Variants in MEP1A observed in about 807,000 individuals in gnomAD.
MEP1A encodes meprin A subunit alpha.
A neutral mutation model predicts 84.5 loss-of-function variants in MEP1A; 68 were observed. That is an observed-to-expected ratio of 0.80 (90% confidence interval 0.66 to 0.98). MEP1A has a LOEUF of 0.98. Among genes scored for constraint, MEP1A ranks in the 50% least tolerant of loss-of-function variants. The pLI, the probability that MEP1A is intolerant of heterozygous loss-of-function variation, is 0.00. For missense variants in MEP1A, 887 were observed against 919.9 expected (o/e 0.96, Z 0.46); for synonymous variants, 337 against 336.8 (o/e 1.00, Z -0.01).
chr6:46,837,762 A>G (rs3846899), intron 13 of MEP1A, among the ~76,000 whole-genome samples: 101,644 of 152,116 alleles, frequency 0.67, 34,315 homozygotes, highest in South Asian at 0.74. Context: ...GTGTTTGGAG[A>G]GGACTGGGTC....
intron 6 of MEP1A, among the ~76,000 whole-genome samples, chr6:46,817,453 C>G (rs1767667042): frequency 6.6e-6 from 1 of 152,156 alleles, no homozygotes; most frequent in South Asian, 2.1e-4. Context: ...TCAGGCCTTG[C>G]AAAGACCACA....
chr6:46,841,372 A>G (rs1023949026), downstream of MEP1A, among the ~76,000 whole-genome samples: 11 of 152,028 alleles, frequency 7.2e-5, no homozygotes, highest in African/African-American at 2.2e-4. Context: ...GGCTCACTGT[A>G]AATCTGACAT....
chr6:46,826,482 A>G lies in MEP1A; in HGVS notation c.907A>G (p.Thr303Ala). 1 of 1,592,858 alleles carries G rather than the reference A, an allele frequency of 6.3e-7. No homozygotes were observed. The highest frequency in any genetic ancestry group is 1.7e-5 in the Admixed American group (1 of 57,390). The change falls in exon 9 of 14, where the codon ACC becomes GCC. Residue 303 changes from threonine (T) to alanine (A), a missense_variant. Coordinates refer to ENST00000230588, the MANE Select transcript of MEP1A (RefSeq NM_005588.3). Reference protein sequence around the residue: ...DSAQAGEVDHTLLGQCTGAGY... With the variant: ...DSAQAGEVDHALLGQCTGAGY... ...TGCTCAGGCTGGAGAAGTGGATCACACCTTGTTGGGACAATGCACAGGTCA... is the reference window on the plus strand; with the variant it reads ...TGCTCAGGCTGGAGAAGTGGATCACGCCTTGTTGGGACAATGCACAGGTCA...
intron 4 of MEP1A, among the ~76,000 whole-genome samples, chr6:46,798,905 A>G (rs1303557086): frequency 6.6e-6 from 1 of 152,188 alleles, no homozygotes; most frequent in Non-Finnish European, 1.5e-5. Flanking sequence ...GGCCCCCTTT[A>G]TTTTGTTCTT....
At chr6:46,827,407 C>T (rs772181492) in intron 9 of MEP1A, among the ~76,000 whole-genome samples, 4 of 152,164 alleles carry the variant, frequency 2.6e-5, no homozygotes, top group Admixed American at 6.5e-5. Context: ...CCAGAGGTTC[C>T]GTTTATTTTG....
intron 5 of MEP1A, among the ~76,000 whole-genome samples, chr6:46,805,431 C>A (rs1454032717): frequency 6.6e-6 from 1 of 151,900 alleles, no homozygotes; most frequent in African/African-American, 2.4e-5. Context: ...TAAAGTTACT[C>A]ATTGGTCATT....
At chr6:46,795,110 C>T (rs1169105176) in intron 3 of MEP1A, among the ~76,000 whole-genome samples, 3 of 152,232 alleles carry the variant, frequency 2.0e-5, no homozygotes, top group East Asian at 1.9e-4. Context: ...GCTGAGTAAA[C>T]GTTTCTTATC....
chr6:46,841,745 C>G (rs1461786905), downstream of MEP1A, among the ~76,000 whole-genome samples: 1 of 152,182 alleles, frequency 6.6e-6, no homozygotes, highest in African/African-American at 2.4e-5. Context: ...TGGCCATTCA[C>G]AAATGTCAGG....
intron 5 of MEP1A, among the ~76,000 whole-genome samples, chr6:46,802,155 T>C (rs1405023888): frequency 6.6e-6 from 1 of 151,944 alleles, no homozygotes; most frequent in Non-Finnish European, 1.5e-5. Flanking sequence ...GTTGATTCTG[T>C]ACATAAATTT....
chr6:46,802,976 C>A (rs904939412), intron 5 of MEP1A, among the ~76,000 whole-genome samples: 1 of 151,208 alleles, frequency 6.6e-6, no homozygotes, highest in African/African-American at 2.4e-5. Context: ...TCTAATTTAC[C>A]TTTTTGTAAT....
chr6:46,824,537 C>T (rs957129887), intron 7 of MEP1A, among the ~76,000 whole-genome samples: 1 of 136,782 alleles, frequency 7.3e-6, no homozygotes, highest in African/African-American at 2.7e-5. Flanking sequence ...AAATTATCAT[C>T]TATTTAATAT....
intron 10 of MEP1A, among the ~76,000 whole-genome samples, chr6:46,830,961 A>G (rs961603497): frequency 1.3e-5 from 2 of 152,226 alleles, no homozygotes; most frequent in South Asian, 2.1e-4. Flanking sequence ...GATGGGACCT[A>G]TTATCACTCA....
chr6:46,824,601 T>C (rs1410860869), intron 7 of MEP1A, among the ~76,000 whole-genome samples: 4 of 135,944 alleles, frequency 2.9e-5, no homozygotes. Context: ...ATATATTAAA[T>C]AGATGTATTT....
Position 46,799,092 on chromosome 6 carries a change from C to A in MEP1A, c.187-14C>A. On this transcript the variant is annotated splice_polypyrimidine_tract_variant and intron_variant, in intron 4 of 13. Coordinates refer to ENST00000230588, the MANE Select transcript of MEP1A (RefSeq NM_005588.3). ...GACTAGGCTTCCCACTCACCTTTAC[C>A]TTTGTTTTCACAGAAATCCAGAAAT... 6.3e-7 allele frequency: 1 copy of A among 1,599,286 alleles called. No homozygotes were observed. The highest frequency in any genetic ancestry group is 8.6e-7 in the Non-Finnish European group (1 of 1,166,540).
At chr6:46,822,156 G>C (rs982858668) in intron 7 of MEP1A, among the ~76,000 whole-genome samples, 1 of 152,108 alleles carries the variant, frequency 6.6e-6, no homozygotes, top group African/African-American at 2.4e-5. Flanking sequence ...ATATCTACTT[G>C]CTTTTGTAAA....
intron 6 of MEP1A, among the ~76,000 whole-genome samples, chr6:46,815,349 A>G (rs1420191640): frequency 6.6e-6 from 1 of 152,106 alleles, no homozygotes; most frequent in African/African-American, 2.4e-5. Flanking sequence ...GCTGAGTCAT[A>G]CAGGTTGCCA....
chr6:46,807,828 A>AAAGAAAGG (rs1767398817), intron 5 of MEP1A, among the ~76,000 whole-genome samples: 1 of 140,316 alleles, frequency 7.1e-6, no homozygotes, highest in African/African-American at 2.6e-5. Flanking sequence ...AGAAAGAAAG[A>AAAGAAAGG]AAGAAAGAAA....
At chr6:46,840,197 A>G (rs1186292943), downstream of MEP1A, among the ~76,000 whole-genome samples, 4 of 152,224 alleles carry the variant, frequency 2.6e-5, no homozygotes, top group Non-Finnish European at 5.9e-5. Context: ...AATGCACTGG[A>G]AACAAAATGA....
At chr6:46,817,427 A>C (rs1767666423) in intron 6 of MEP1A, among the ~76,000 whole-genome samples, 1 of 152,160 alleles carries the variant, frequency 6.6e-6, no homozygotes, top group Non-Finnish European at 1.5e-5. Context: ...TAAAGGGGAA[A>C]CATTTAAAGT....
Sources: allele counts gnomAD v4.1 joint callset (sites outside exome capture counted in the v4.1 genomes callset), GRCh38; gene constraint gnomAD v4.1.1; transcripts MANE v1.5; gene names NCBI Gene and HGNC (gene_info 2026-07-23, HGNC 2026-07-21).